Variants in MAP3K1 observed in about 807,000 individuals in gnomAD.
MAP3K1 encodes the protein mitogen-activated protein kinase kinase kinase 1.
Under a neutral mutation model 144.2 loss-of-function variants are expected in MAP3K1, and 36 were observed. The ratio of observed to expected loss-of-function variants is 0.25; its 90% CI spans 0.19 to 0.33. MAP3K1 has a LOEUF of 0.33. Ranked by LOEUF, MAP3K1 falls within the 10% of genes least tolerant of loss-of-function variation. The pLI is 1.00. For synonymous variants in MAP3K1, 718 were observed against 688.7 expected, an observed-to-expected ratio of 1.04 and a Z score of -0.67; for missense variants, 1,650 against 1,881.9, an observed-to-expected ratio of 0.88 and a Z score of 2.28.
At chr5:56,891,788 G>A (rs1748557444) in intron 19 of MAP3K1, among the ~76,000 whole-genome samples, 1 of 152,178 alleles carries the variant, frequency 6.6e-6, no homozygotes, top group Admixed American at 6.5e-5. Flanking sequence ...TTCTTAAATA[G>A]GGAATCATTT....
Position 56,894,162 on chromosome 5 carries a change from C to G in MAP3K1, c.*482C>G, listed in dbSNP as rs1380391130. The G allele has an allele frequency of 3.8e-6, 1 of 264,186 alleles. No homozygotes were observed. The highest frequency in any genetic ancestry group is 5.3e-5 in the East Asian group (1 of 19,014). The allele number at this position is 264,186 out of a possible 1,614,324, so 16.4% of individuals were successfully genotyped here. ...TTAGGTCAGAGTATGCTATGAGTAG[C>G]AATACATACATATATTTTTAAAAGT... On this transcript the variant is annotated 3_prime_UTR_variant, in exon 20 of 20. Coordinates refer to ENST00000399503, the MANE Select transcript of MAP3K1 (RefSeq NM_005921.2).
intron 19 of MAP3K1, among the ~76,000 whole-genome samples, chr5:56,889,184 T>G (rs916402250): frequency 3.9e-5 from 6 of 152,236 alleles, no homozygotes; most frequent in Non-Finnish European, 8.8e-5. Flanking sequence ...TGTTTTTGTT[T>G]TTGAGACAGA....
At position 56,884,728 on chromosome 5, in the gene MAP3K1, T is replaced by C. The variant is rs1748328448; in HGVS notation, c.3884T>C (p.Ile1295Thr). 16 of 1,613,694 alleles carry C rather than the reference T, an allele frequency of 9.9e-6. No homozygotes were observed. The highest frequency in any genetic ancestry group is 1.3e-5 in the African/African-American group (1 of 74,908). Residue 1295 changes from isoleucine to threonine, a missense_variant, in exon 16 of 20, where the codon ATA becomes ACA. Ile to Thr is a moderately conservative substitution (Grantham distance 89). Transcript: ENST00000399503. Reference sequence around the variant, plus strand: ...GTAGTAGAAGCACTAAGAGAAGAGATAAGAATGATGAGCCATCTGAATCAT... The same window carrying C: ...GTAGTAGAAGCACTAAGAGAAGAGACAAGAATGATGAGCCATCTGAATCAT... ...EEVVEALREE[I>T]RMMSHLNHPN...
At chr5:56,866,699 C>A (rs1200706199) in intron 6 of MAP3K1, among the ~76,000 whole-genome samples, 1 of 152,118 alleles carries the variant, frequency 6.6e-6, no homozygotes, top group Admixed American at 6.6e-5. Context: ...TCCTATTAAT[C>A]TGTTAAGTAT....
At chr5:56,860,588 C>T (rs1747476674) in intron 3 of MAP3K1, among the ~76,000 whole-genome samples, 1 of 152,170 alleles carries the variant, frequency 6.6e-6, no homozygotes, top group Admixed American at 6.5e-5. Context: ...AGCGGTGGCT[C>T]ACATCTATAA....
At position 56,859,816 on chromosome 5, in the gene MAP3K1, C is replaced by T. The variant is rs200572098; in HGVS notation, c.735C>T (p.Ser245=). ...EVQASAASPA[S]KGRRSPSPGN... ...AGGCAAGTGCGGCTTCACCAGCTTC[C>T]AAAGGCCGACGCAGTCCTTCTCCTG... The change falls in exon 3 of 20, where the codon TCC becomes TCT. Residue 245 remains serine, a synonymous_variant. Coordinates refer to ENST00000399503, the MANE Select transcript of MAP3K1 (RefSeq NM_005921.2). 3 of 1,614,006 alleles carry T rather than the reference C, an allele frequency of 1.9e-6. No individual in the cohort carries two copies. The highest frequency in any genetic ancestry group is 1.7e-5 in the Admixed American group (1 of 60,028).
Position 56,859,909 on chromosome 5 carries a change from A to G in MAP3K1, c.828A>G (p.Pro276=). Residue 276 remains proline (P), a synonymous_variant, in exon 3 of 20, where the codon CCA becomes CCG. Coordinates refer to ENST00000399503, the MANE Select transcript of MAP3K1 (RefSeq NM_005921.2). ...SPGVRRKRVS[P]VPFQSGRITP... is the part of the protein sequence containing the mutation. Reference sequence around the variant, plus strand: ...GAGTAAGGAGAAAAAGAGTTTCCCCAGTGCCTGTAAGTTAATGTTACAACA... The same window carrying G: ...GAGTAAGGAGAAAAAGAGTTTCCCCGGTGCCTGTAAGTTAATGTTACAACA... 1.2e-6 allele frequency: 2 copies of G among 1,609,076 alleles called. No individual in the cohort carries two copies. Among genetic ancestry groups the G allele is most frequent in the Non-Finnish European group, 8.5e-7 (1 of 1,176,790 alleles).
intron 6 of MAP3K1, among the ~76,000 whole-genome samples, chr5:56,869,870 A>G (rs1348302141): frequency 6.6e-6 from 1 of 152,128 alleles, no homozygotes; most frequent in East Asian, 1.9e-4. Context: ...CATAGTCTTG[A>G]CAGTTTTTCC....
At chr5:56,888,177 C>G (rs747110189) in intron 18 of MAP3K1, 49 bp from the exon 19 acceptor site, 2 of 1,585,310 alleles carry the variant, frequency 1.3e-6, no homozygotes, top group South Asian at 1.1e-5. Context: ...AAATGGCCTT[C>G]TCTTTTTCAA....
chr5:56,891,937 G>C (rs932629937), intron 19 of MAP3K1, among the ~76,000 whole-genome samples: 3 of 152,142 alleles, frequency 2.0e-5, no homozygotes, highest in African/African-American at 7.2e-5. Flanking sequence ...GGTTACTGTA[G>C]CCTTGTAGTA....
chr5:56,856,057 T>C lies in MAP3K1; in HGVS notation c.483-543T>C, dbSNP rs536758540. ...TTTGTACTGGATAATTTTTATTCTT[T>C]ATAGAGTACCCCAAGTGCTTTGTTA... On this transcript the variant is annotated intron_variant, in intron 1 of 19. Coordinates refer to ENST00000399503, the MANE Select transcript of MAP3K1 (RefSeq NM_005921.2). Among the ~76,000 whole-genome samples the C allele has an allele frequency of 8.9e-4, 136 of 152,328 alleles. 6 individuals are homozygous for C. The South Asian group carries it at 0.028, about 31-fold the overall frequency.
chr5:56,836,095 G>A (rs1051134818), intron 1 of MAP3K1, among the ~76,000 whole-genome samples: 6 of 152,170 alleles, frequency 3.9e-5, no homozygotes, highest in Non-Finnish European at 7.3e-5. Flanking sequence ...TTGTAAGTGT[G>A]CGCAGAACCC....
intron 3 of MAP3K1, among the ~76,000 whole-genome samples, chr5:56,862,518 A>G (rs1254551018): frequency 6.6e-6 from 1 of 152,192 alleles, no homozygotes; most frequent in African/African-American, 2.4e-5. Flanking sequence ...TATATGCTAG[A>G]CAAAGTTACC....
At chr5:56,819,041 TC>T (rs150141663) in intron 1 of MAP3K1, among the ~76,000 whole-genome samples, 15,103 of 152,232 alleles carry the variant, frequency 0.099, 1,203 homozygotes, top group East Asian at 0.34. Flanking sequence ...AAGTTAGTCT[TC>T]CGTGAATTTG....
At chr5:56,877,060 T>C (rs1748054493) in intron 10 of MAP3K1, among the ~76,000 whole-genome samples, 1 of 152,210 alleles carries the variant, frequency 6.6e-6, no homozygotes. Flanking sequence ...CTAATGTACA[T>C]TGTGAACCTA....
Position 56,893,994 on chromosome 5 carries a change from C to T in MAP3K1, c.*314C>T. The T allele has an allele frequency of 2.3e-6, 1 of 426,302 alleles. No individual in the cohort carries two copies. Among genetic ancestry groups the T allele is most frequent in the South Asian group, 2.7e-5 (1 of 37,304 alleles). 26.4% of individuals were successfully genotyped at this position (426,302 alleles called of 1,614,324 possible). ...ATTTTATTTTTTTGGAGCACTTTTT[C>T]AGCAATATTAGCGGCTGAGGGGCTC... On this transcript the variant is annotated 3_prime_UTR_variant, in exon 20 of 20. Coordinates refer to ENST00000399503, the MANE Select transcript of MAP3K1 (RefSeq NM_005921.2).
At position 56,828,048 on chromosome 5, in the gene MAP3K1, A is replaced by G. The variant is rs1289616368; in HGVS notation, c.482+11993A>G. 2.6e-5 allele frequency among the ~76,000 whole-genome samples: 4 copies of G among 152,174 alleles called. No homozygotes were observed. The East Asian group carries it at 7.7e-4, about 29-fold the overall frequency. On this transcript the variant is annotated intron_variant, in intron 1 of 19. Transcript: ENST00000399503. ...ACTAACTGTAGATAATACTCTTGCA[A>G]GTAACTGTCTATGCTCACTACTTAA...
intron 1 of MAP3K1, among the ~76,000 whole-genome samples, chr5:56,835,833 G>T (rs1010205902): frequency 1.3e-5 from 2 of 152,036 alleles, no homozygotes; most frequent in African/African-American, 4.8e-5. Flanking sequence ...GGAGATGGCG[G>T]CTTGGAGGGG....
At chr5:56,866,479 G>A (rs1471843489) in intron 6 of MAP3K1, among the ~76,000 whole-genome samples, 1 of 152,146 alleles carries the variant, frequency 6.6e-6, no homozygotes, top group African/African-American at 2.4e-5. Context: ...GTGTGTGTGT[G>A]TATATAGACG....
Sources: allele counts gnomAD v4.1 joint callset (sites outside exome capture counted in the v4.1 genomes callset), GRCh38; gene constraint gnomAD v4.1.1; transcripts MANE v1.5; gene names NCBI Gene and HGNC (gene_info 2026-07-23, HGNC 2026-07-21).